GLG1: variants seen among roughly 807,000 people sequenced by gnomAD.
GLG1 encodes the protein Golgi apparatus protein 1.
Under a neutral mutation model 160.5 loss-of-function variants are expected in GLG1, and 38 were observed. That is an observed-to-expected ratio of 0.24 (90% CI 0.18 to 0.31). The LOEUF is 0.31. Ranked by LOEUF, GLG1 falls within the 10% of genes least tolerant of loss-of-function variation. The pLI is 1.00. For missense variants in GLG1, 1,373 were observed against 1,505.2 expected (o/e 0.91, Z 1.45); for synonymous variants, 644 against 543.4 (o/e 1.19, Z -2.57).
chr16:74,604,340 A>G (rs1958514360), intron 1 of GLG1, among the ~76,000 whole-genome samples: 1 of 152,242 alleles, frequency 6.6e-6, no homozygotes. Context: ...TTTAGAGAAG[A>G]CAAGAATTCG....
At chr16:74,596,776 A>G (rs1403281878) in intron 1 of GLG1, among the ~76,000 whole-genome samples, 2 of 152,140 alleles carry the variant, frequency 1.3e-5, no homozygotes, top group Non-Finnish European at 2.9e-5. Flanking sequence ...CACTACTTAC[A>G]AGCCCTGAGG....
At chr16:74,455,687 C>T (rs2014509848) in intron 25 of GLG1, among the ~76,000 whole-genome samples, 1 of 152,072 alleles carries the variant, frequency 6.6e-6, no homozygotes, top group Non-Finnish European at 1.5e-5. Context: ...GAGGGGTGGT[C>T]CTGGGATTAC....
intron 1 of GLG1, among the ~76,000 whole-genome samples, chr16:74,543,842 G>A (rs1231329616): frequency 2.6e-5 from 4 of 152,022 alleles, no homozygotes; most frequent in Non-Finnish European, 4.4e-5. Flanking sequence ...CTCCACCTGA[G>A]CCAGTGATCA....
At chr16:74,483,743 C>T (rs1426596662) in intron 9 of GLG1, among the ~76,000 whole-genome samples, 3 of 151,740 alleles carry the variant, frequency 2.0e-5, no homozygotes, top group Admixed American at 6.6e-5. Context: ...ACGCAAGCTC[C>T]GCCTCCCAGG....
At chr16:74,553,477 T>G (rs2018265051) in intron 1 of GLG1, among the ~76,000 whole-genome samples, 1 of 145,342 alleles carries the variant, frequency 6.9e-6, no homozygotes, top group South Asian at 2.2e-4. Context: ...CGGTTTTTTT[T>G]TTTTTTTTTT....
intron 1 of GLG1, among the ~76,000 whole-genome samples, chr16:74,541,201 G>A (rs150348304): frequency 0.018 from 2,808 of 151,934 alleles, 34 homozygotes; most frequent in Non-Finnish European, 0.027. Flanking sequence ...GCGCATGCCT[G>A]TAGTCCCAGC....
Position 74,607,011 on chromosome 16 carries a change from C to G in GLG1, c.84G>C (p.Glu28Asp). 1 of 1,602,480 alleles carries G rather than the reference C, an allele frequency of 6.2e-7. No homozygotes were observed. The highest frequency in any genetic ancestry group is 8.5e-7 in the Non-Finnish European group (1 of 1,176,782). ...HLLLLFAAGA[E>D]KLPGQGVHSQ... ...TGTGGACGCCCTGGCCGGGGAGTTT[C>G]TCGGCCCCGGCCGCGAATAGCAGCA... Residue 28 changes from glutamate (E) to aspartate (D), a missense_variant, in exon 1 of 26, where the codon GAG becomes GAC. Glu to Asp is a conservative substitution (Grantham distance 45). Coordinates refer to ENST00000422840, the MANE Select transcript of GLG1 (RefSeq NM_001145667.2).
chr16:74,454,700 A>ATT (rs1184474871), intron 25 of GLG1, among the ~76,000 whole-genome samples: 4 of 76,164 alleles, frequency 5.3e-5, no homozygotes, highest in African/African-American at 1.4e-4. Flanking sequence ...AAAAAAAAAA[A>ATT]TTTTTTTTTT....
At chr16:74,490,178 GTAATCAACA>G (rs920657406) in intron 8 of GLG1, among the ~76,000 whole-genome samples, 3 of 152,160 alleles carry the variant, frequency 2.0e-5, no homozygotes, top group African/African-American at 4.8e-5. Context: ...CCAGTAAAAA[GTAATCAACA>G]TGGACAACAG....
At chr16:74,506,081 ATTTTTTTTTTTT>A (rs71376213) in intron 3 of GLG1, among the ~76,000 whole-genome samples, 1 of 101,926 alleles carries the variant, frequency 9.8e-6, no homozygotes, top group African/African-American at 3.8e-5. Context: ...CCTGGAAAAG[ATTTTTTTTTTTT>A]TTTTTTTTTG....
rs944259848 is a variant in GLG1 at position 74,452,566 on chromosome 16, G to A, written c.*601C>T. ...GTCACTGTCTCAGCAGAAGAAAGCA[G>A]GACCCCACACAGCCTGGGGAACGGC... On this transcript the variant is annotated 3_prime_UTR_variant, in exon 26 of 26. Coordinates refer to ENST00000422840, the MANE Select transcript of GLG1 (RefSeq NM_001145667.2). The A allele has an allele frequency of 8.0e-6, 8 of 1,005,856 alleles. No individual in the cohort carries two copies. In the African/African-American group the frequency reaches 1.4e-4, roughly 17 times the overall value. The allele number at this position is 1,005,856 out of a possible 1,614,324, so 62.3% of individuals were successfully genotyped here. A position where few individuals can be genotyped will look rare whatever the true frequency, so the allele number is the denominator to read the frequency against.
intron 1 of GLG1, among the ~76,000 whole-genome samples, chr16:74,578,256 T>C (rs1453988285): frequency 1.3e-5 from 2 of 152,162 alleles, no homozygotes; most frequent in Non-Finnish European, 2.9e-5. Flanking sequence ...CTCATTAAAG[T>C]AGATAAAAGC....
chr16:74,453,353 A>G lies in GLG1; in HGVS notation c.3373-19T>C. On this transcript the variant is annotated intron_variant, in intron 25 of 25. Transcript: ENST00000422840. ...GGGCCACCTAGAATGACACAAGGCA[A>G]TGTGATTCTCTGAGAGAGCACTGGG... is the stretch of plus-strand genomic sequence containing the variant. 6.4e-7 allele frequency: 1 copy of G among 1,573,126 alleles called. No individual in the cohort carries two copies. Among genetic ancestry groups the G allele is most frequent in the South Asian group, 1.1e-5 (1 of 89,978 alleles).
At chr16:74,581,193 C>T (rs898439349) in intron 1 of GLG1, among the ~76,000 whole-genome samples, 1 of 152,092 alleles carries the variant, frequency 6.6e-6, no homozygotes, top group Non-Finnish European at 1.5e-5. Flanking sequence ...TTTGTATACC[C>T]ACATTCACAG....
At chr16:74,586,433 TG>T (rs1380538699) in intron 1 of GLG1, among the ~76,000 whole-genome samples, 1 of 152,164 alleles carries the variant, frequency 6.6e-6, no homozygotes, top group Non-Finnish European at 1.5e-5. Context: ...TGACACACAA[TG>T]AAATTATATC....
intron 2 of GLG1, among the ~76,000 whole-genome samples, chr16:74,520,405 G>A (rs772455111): frequency 2.0e-5 from 3 of 152,166 alleles, no homozygotes; most frequent in Non-Finnish European, 4.4e-5. Flanking sequence ...GGGAGGCCGA[G>A]GTGTGTGGAT....
chr16:74,576,524 T>C (rs35495670), intron 1 of GLG1, among the ~76,000 whole-genome samples: 21,876 of 152,234 alleles, frequency 0.14, 1,930 homozygotes, highest in Middle Eastern at 0.22. Context: ...TTGTGGTCTC[T>C]ATGGCATCCC....
chr16:74,587,680 A>G (rs532528184), intron 1 of GLG1, among the ~76,000 whole-genome samples: 7 of 152,304 alleles, frequency 4.6e-5, no homozygotes, highest in Middle Eastern at 6.8e-3. Flanking sequence ...ATCCTGGCCA[A>G]CACAGTGAAA....
chr16:74,466,873 A>G (rs1473213635), intron 18 of GLG1, among the ~76,000 whole-genome samples: 1 of 152,234 alleles, frequency 6.6e-6, no homozygotes, highest in Non-Finnish European at 1.5e-5. Flanking sequence ...AAAAAGTTAA[A>G]GAGACATGGA....
Sources: allele counts gnomAD v4.1 joint callset (sites outside exome capture counted in the v4.1 genomes callset), GRCh38; gene constraint gnomAD v4.1.1; transcripts MANE v1.5; gene names NCBI Gene and HGNC (gene_info 2026-07-23, HGNC 2026-07-21).